ZNF346: variants seen among roughly 807,000 people sequenced by gnomAD.
ZNF346 encodes double-stranded RNA-binding zinc finger protein JAZ.
ZNF346 carries 23 observed loss-of-function variants against 33.7 expected under a neutral mutation model. The observed-to-expected ratio is 0.68, with a 90% CI of 0.49 to 0.97. The LOEUF is 0.97. Among genes scored for constraint, ZNF346 ranks in the 50% least tolerant of loss-of-function variants. ZNF346 has a pLI of 0.00. For missense variants in ZNF346, 340 were observed against 371.1 expected (o/e 0.92, Z 0.69); for synonymous variants, 134 against 142.4 (o/e 0.94, Z 0.42).
intron 8 of ZNF346, among the ~76,000 whole-genome samples, chr5:177,078,636 G>A (rs1304739444): frequency 6.6e-6 from 1 of 152,180 alleles, no homozygotes; most frequent in Non-Finnish European, 1.5e-5. Context: ...AGCTGGCCGG[G>A]CGTAATAGCT....
At position 177,022,852 on chromosome 5, in the gene ZNF346, C is replaced by A; in HGVS notation, c.114C>A (p.Arg38=). 6.5e-7 allele frequency: 1 copy of A among 1,530,144 alleles called. No homozygotes were observed. The highest frequency in any genetic ancestry group is 8.8e-7 in the Non-Finnish European group (1 of 1,137,554). 94.8% of individuals were successfully genotyped at this position (1,530,144 alleles called of 1,614,324 possible). Residue 38 remains arginine (R), a synonymous_variant, in exon 1 of 7, where the codon CGC becomes CGA. Coordinates refer to ENST00000358149, the MANE Select transcript of ZNF346 (RefSeq NM_012279.4). ...GQEPDGVRFD[R]ERARRLWEAV... is the part of the protein sequence containing the mutation. ...AGCCGGACGGGGTGCGCTTTGACCG[C>A]GAGAGGGCGCGCCGCCTGTGGGAAG...
chr5:177,063,717 A>AC (rs1782833479), intron 6 of ZNF346, among the ~76,000 whole-genome samples: 1 of 152,064 alleles, frequency 6.6e-6, no homozygotes, highest in East Asian at 1.9e-4. Context: ...ATGTAGTGAG[A>AC]CCCCATCTAC....
downstream of ZNF346, among the ~76,000 whole-genome samples, chr5:177,070,599 G>C (rs186636687): frequency 6.6e-6 from 1 of 152,258 alleles, no homozygotes; most frequent in African/African-American, 2.4e-5. Context: ...AGAATTAAAA[G>C]AATAGGTGGA....
chr5:177,044,360 A>G, intron 3 of ZNF346, 29 bp from the exon 4 acceptor site: 1 of 1,613,606 alleles, frequency 6.2e-7, no homozygotes. Context: ...CAGTGGTATG[A>G]TCAGACCTGT....
At chr5:177,048,252 A>G (rs1780369747) in intron 4 of ZNF346, among the ~76,000 whole-genome samples, 1 of 152,180 alleles carries the variant, frequency 6.6e-6, no homozygotes, top group Admixed American at 6.5e-5. Context: ...TCTGTTCAGT[A>G]TCTCAAAGAA....
At chr5:177,061,103 C>CTG (rs1782474456) in intron 5 of ZNF346, among the ~76,000 whole-genome samples, 1 of 29,934 alleles carries the variant, frequency 3.3e-5, no homozygotes, top group African/African-American at 6.5e-4. Flanking sequence ...CAGAGCAAGA[C>CTG]TGTCTCAAAA....
chr5:177,078,168 A>T (rs1025614867), intron 8 of ZNF346, among the ~76,000 whole-genome samples: 3 of 152,152 alleles, frequency 2.0e-5, no homozygotes, highest in African/African-American at 7.2e-5. Context: ...AGAAAAGAAA[A>T]GGGAATGCCT....
intron 8 of ZNF346, among the ~76,000 whole-genome samples, chr5:177,076,051 G>A (rs1446698273): frequency 2.0e-5 from 3 of 152,036 alleles, no homozygotes; most frequent in Non-Finnish European, 2.9e-5. Context: ...CTAGGCTCAA[G>A]GAATCCTCCT....
chr5:177,073,784 A>G lies in ZNF346; in HGVS notation c.*3-5598A>G, dbSNP rs532838369. Among the ~76,000 whole-genome samples, 645 of 123,110 alleles carry G rather than the reference A, an allele frequency of 5.2e-3. 3 individuals carry two copies. The highest frequency in any genetic ancestry group is 8.7e-3 in the Non-Finnish European group (542 of 62,136). The allele number at this position is 123,110 out of a possible 152,430, so 80.8% of individuals were successfully genotyped here. A position where few individuals can be genotyped will look rare whatever the true frequency, so the allele number is the denominator to read the frequency against. Reference sequence around the variant, plus strand: ...CTCCCTGTGCCTGTGTCCTTTTGCAATGTGACTTTATCATTGCTCCCATCA... The same window carrying G: ...CTCCCTGTGCCTGTGTCCTTTTGCAGTGTGACTTTATCATTGCTCCCATCA... On this transcript the variant is annotated intron_variant, in intron 8 of 8. Coordinates refer to the ZNF346 transcript ENST00000503039.
intron 1 of ZNF346, among the ~76,000 whole-genome samples, chr5:177,030,593 C>T (rs977621350): frequency 6.6e-6 from 1 of 151,892 alleles, no homozygotes; most frequent in Non-Finnish European, 1.5e-5. Context: ...AGGCGTGAGC[C>T]ACCATGCCTG....
At chr5:177,072,511 C>A (rs1402566735), downstream of ZNF346, among the ~76,000 whole-genome samples, 2 of 152,118 alleles carry the variant, frequency 1.3e-5, no homozygotes, top group Non-Finnish European at 2.9e-5. Context: ...TAGTCTTCAG[C>A]TGTTAGTGTC....
At chr5:177,056,865 G>T (rs901563656) in intron 5 of ZNF346, among the ~76,000 whole-genome samples, 1 of 152,082 alleles carries the variant, frequency 6.6e-6, no homozygotes, top group African/African-American at 2.4e-5. Context: ...GTATACGTGT[G>T]TAACAAACCT....
chr5:177,042,554 T>G (rs1241021983), intron 3 of ZNF346, among the ~76,000 whole-genome samples: 1 of 151,522 alleles, frequency 6.6e-6, no homozygotes, highest in Non-Finnish European at 1.5e-5. Flanking sequence ...GAGGTAAAAT[T>G]TCAATTCCTA....
intron 1 of ZNF346, among the ~76,000 whole-genome samples, chr5:177,028,707 CTTTTTTTTTT>C (rs56172509): frequency 5.9e-5 from 4 of 67,396 alleles, no homozygotes; most frequent in Admixed American, 1.7e-4. Flanking sequence ...AAGCCCCTTT[CTTTTTTTTTT>C]TTTTTTTTTT....
chr5:177,027,543 G>A (rs902045599), intron 1 of ZNF346, among the ~76,000 whole-genome samples: 11 of 142,596 alleles, frequency 7.7e-5, no homozygotes, highest in Non-Finnish European at 1.6e-4. Flanking sequence ...CCGAGATTGT[G>A]CCACTGCACT....
intron 1 of ZNF346, among the ~76,000 whole-genome samples, chr5:177,034,317 A>T (rs1246701942): frequency 6.7e-6 from 1 of 149,948 alleles, no homozygotes; most frequent in Non-Finnish European, 1.5e-5. Context: ...TCCTGGGCTC[A>T]AGTTCAAACG....
intron 5 of ZNF346, chr5:177,053,014 T>G (rs1781167216): frequency 6.6e-6 from 1 of 151,828 alleles, no homozygotes; most frequent in South Asian, 2.1e-4. Context: ...TTTTTACCTT[T>G]TTTTTTTTTA....
At chr5:177,068,104 G>T (rs1426168189), downstream of ZNF346, among the ~76,000 whole-genome samples, 3 of 144,846 alleles carry the variant, frequency 2.1e-5, no homozygotes, top group East Asian at 5.8e-4. Flanking sequence ...GAGGACCAGA[G>T]TACCTCCCAC....
At chr5:177,044,641 G>C in intron 4 of ZNF346, 108 bp downstream of exon 4, 1 of 1,249,800 alleles carries the variant, frequency 8.0e-7, no homozygotes, top group Non-Finnish European at 1.1e-6. Flanking sequence ...TGAAGAAGTT[G>C]AATTGCTTTT....
Sources: gnomAD v4.1 joint callset for allele counts (sites outside exome capture counted in the v4.1 genomes callset) on GRCh38, gnomAD v4.1.1 for gene constraint, MANE v1.5 for transcripts, NCBI Gene and HGNC (gene_info 2026-07-23, HGNC 2026-07-21) for gene names.